PPP1CC: variants seen among roughly 807,000 people sequenced by gnomAD.
PPP1CC encodes protein phosphatase 1 catalytic subunit gamma.
In PPP1CC, 16 loss-of-function variants were observed where a neutral mutation model predicts 38.4. The observed-to-expected ratio is 0.42, with a 90% CI of 0.28 to 0.63. The LOEUF (loss-of-function observed/expected upper bound fraction) is 0.63, where lower values mean the gene tolerates loss of function less well. Ranked by LOEUF, PPP1CC falls within the 30% of genes least tolerant of loss-of-function variation. The pLI, the probability that PPP1CC is intolerant of heterozygous loss-of-function variation, is 0.25. For synonymous variants in PPP1CC, 158 were observed against 136.0 expected (o/e 1.16, Z -1.13); for missense variants, 170 against 391.3 (o/e 0.43, Z 4.77).
chr12:110,731,326 T>G (rs2069869822), intron 2 of PPP1CC, among the ~76,000 whole-genome samples: 1 of 152,094 alleles, frequency 6.6e-6, no homozygotes, highest in Non-Finnish European at 1.5e-5. Flanking sequence ...AAGAATATAT[T>G]ACTCAAACGA....
At chr12:110,711,973 T>C in the PPP1CC span, among the ~76,000 whole-genome samples, 1 of 152,144 alleles carries the variant, frequency 6.6e-6, no homozygotes, top group Admixed American at 6.6e-5. Context: ...TACAGTCACA[T>C]GCCACCTAAC....
Position 110,724,703 on chromosome 12 carries a change from C to T in PPP1CC, c.480G>A (p.Pro160=), listed in dbSNP as rs142935480. The change falls in exon 4 of 7, where the codon CCG becomes CCA. Residue 160 remains proline, a synonymous_variant. Transcript: ENST00000335007. ...KTFTDCFNCL[P]IAAIVDEKIF... is the part of the protein sequence containing the mutation. ...TCTTCTCATCCACGATGGCTGCTATCGGTAAACAGTTAAAACAGTCTGTGA... is the reference window on the plus strand; with the variant it reads ...TCTTCTCATCCACGATGGCTGCTATTGGTAAACAGTTAAAACAGTCTGTGA... 2.2e-5 allele frequency: 35 copies of T among 1,613,332 alleles called. No individual in the cohort carries two copies. The highest frequency in any genetic ancestry group is 1.3e-4 in the South Asian group (12 of 91,054).
intron 4 of PPP1CC, among the ~76,000 whole-genome samples, chr12:110,723,134 CA>C (rs1422623083): frequency 1.3e-5 from 2 of 152,190 alleles, no homozygotes; most frequent in Non-Finnish European, 2.9e-5. Context: ...TTAAAATCTA[CA>C]AGAGCTTATT....
intron 1 of PPP1CC, 102 bp downstream of exon 1, chr12:110,742,551 T>C: frequency 1.9e-6 from 2 of 1,048,588 alleles, no homozygotes; most frequent in Non-Finnish European, 2.6e-6. Context: ...CCCACGGTGC[T>C]GCAAGCCCAA....
intron 1 of PPP1CC, chr12:110,732,636 T>C (rs1232604363): frequency 6.6e-6 from 1 of 152,250 alleles, no homozygotes; most frequent in African/African-American, 2.4e-5. Context: ...CTCATGTCTA[T>C]ATAGGGCAAA....
intron 1 of PPP1CC, chr12:110,734,695 A>G (rs1241405530): frequency 6.5e-6 from 1 of 153,666 alleles, no homozygotes; most frequent in Non-Finnish European, 1.5e-5. Context: ...TAAAATTATA[A>G]AACAATAGGG....
chr12:110,720,325 T>C lies in PPP1CC; in HGVS notation c.*751A>G. ...ATTGCTATTCAAAATCAAAAACCTGTTTTTGAATCCCCAAGAAGGCAGCAT... is the reference window on the plus strand; with the variant it reads ...ATTGCTATTCAAAATCAAAAACCTGCTTTTGAATCCCCAAGAAGGCAGCAT... On this transcript the variant is annotated 3_prime_UTR_variant, in exon 7 of 7. Coordinates refer to ENST00000335007, the MANE Select transcript of PPP1CC (RefSeq NM_002710.4). 1.2e-6 allele frequency: 1 copy of C among 818,548 alleles called. No individual in the cohort carries two copies. Among genetic ancestry groups the C allele is most frequent in the Non-Finnish European group, 1.9e-6 (1 of 521,406 alleles). 50.7% of individuals were successfully genotyped at this position (818,548 alleles called of 1,614,324 possible). A position where few individuals can be genotyped will look rare whatever the true frequency, so the allele number is the denominator to read the frequency against.
At chr12:110,734,031 TTC>T (rs772021986) in intron 1 of PPP1CC, among the ~76,000 whole-genome samples, 21 of 152,164 alleles carry the variant, frequency 1.4e-4, no homozygotes, top group Non-Finnish European at 2.8e-4. Flanking sequence ...GGAGAAAAGC[TTC>T]TCTCATCCAT....
At position 110,724,767 on chromosome 12, in the gene PPP1CC, G is replaced by A. The variant is rs2069776739; in HGVS notation, c.419-3C>T. 6.5e-7 allele frequency: 1 copy of A among 1,527,592 alleles called. No individual in the cohort carries two copies. The highest frequency in any genetic ancestry group is 9.1e-7 in the Non-Finnish European group (1 of 1,101,962). 94.6% of individuals were successfully genotyped at this position (1,527,592 alleles called of 1,614,324 possible). On this transcript the variant is annotated splice_polypyrimidine_tract_variant and splice_region_variant and intron_variant, in intron 3 of 6. Coordinates refer to ENST00000335007, the MANE Select transcript of PPP1CC (RefSeq NM_002710.4). ...TTTAATGTTGTATCTTCTTTTACCT[G>A]TGATTAAAAAGAGAGTATTACATTA...
At chr12:110,717,780 ATCCTCAGCTTTG>A (rs1215388938), downstream of PPP1CC, among the ~76,000 whole-genome samples, 1 of 152,138 alleles carries the variant, frequency 6.6e-6, no homozygotes, top group Non-Finnish European at 1.5e-5. Context: ...TCTGATGCAG[ATCCTCAGCTTTG>A]TCCCTTCTAC....
chr12:110,742,703 G>A lies in PPP1CC; in HGVS notation c.5C>T (p.Ala2Val). ...GTCGATGTTGAGTTTATCTAAATCC[G>A]CCATCGCCTTCCCACCGCCGACCCT... M[A>V]DLDKLNIDSI... The change falls in exon 1 of 7, where the codon GCG becomes GTG. Residue 2 changes from alanine to valine, a missense_variant. Transcript: ENST00000335007. The A allele has an allele frequency of 2.1e-6, 3 of 1,447,604 alleles. No homozygotes were observed. The highest frequency in any genetic ancestry group is 2.8e-6 in the Non-Finnish European group (3 of 1,089,152). The allele number at this position is 1,447,604 out of a possible 1,614,324, so 89.7% of individuals were successfully genotyped here.
downstream of PPP1CC, among the ~76,000 whole-genome samples, chr12:110,716,370 TGAGATA>T (rs2069687728): frequency 6.6e-6 from 1 of 151,794 alleles, no homozygotes; most frequent in Non-Finnish European, 1.5e-5. Flanking sequence ...TTTTTTTTTT[TGAGATA>T]GAGTCTCGCT....
chr12:110,716,502 GCCA>G (rs1371317556), downstream of PPP1CC, among the ~76,000 whole-genome samples: 2 of 152,076 alleles, frequency 1.3e-5, no homozygotes, highest in East Asian at 3.9e-4. Flanking sequence ...ACAGGCATGT[GCCA>G]CCACACCTGG....
At chr12:110,718,721 GT>G (rs1422706613), downstream of PPP1CC, among the ~76,000 whole-genome samples, 1 of 152,166 alleles carries the variant, frequency 6.6e-6, no homozygotes, top group African/African-American at 2.4e-5. Context: ...TGCTATGGAC[GT>G]TTCATAGCTA....
intron 1 of PPP1CC, among the ~76,000 whole-genome samples, chr12:110,734,338 C>T (rs1794725816): frequency 6.6e-6 from 1 of 152,064 alleles, no homozygotes; most frequent in Non-Finnish European, 1.5e-5. Flanking sequence ...ACATATATTC[C>T]AGACTATATA....
At chr12:110,710,708 ACT>A in the PPP1CC span, among the ~76,000 whole-genome samples, 7 of 100,978 alleles carry the variant, frequency 6.9e-5, no homozygotes, top group African/African-American at 3.0e-4. Context: ...ACAGAATGAG[ACT>A]CTGTCTCAAA....
intron 3 of PPP1CC, 86 bp downstream of exon 3, chr12:110,730,442 AC>A: frequency 9.1e-7 from 1 of 1,093,624 alleles, no homozygotes; most frequent in African/African-American, 1.6e-5. Flanking sequence ...CTAAACTCTC[AC>A]AATTCCTAAC....
rs1342157402 is a variant in PPP1CC at position 110,720,779 on chromosome 12, C to G, written c.*297G>C. ...ACTGAATTAAAAAAGATCAATTGTA[C>G]ACTTACTCCTCAGACAGGATAAACT... On this transcript the variant is annotated 3_prime_UTR_variant, in exon 7 of 7. Coordinates refer to ENST00000335007, the MANE Select transcript of PPP1CC (RefSeq NM_002710.4). 1 of 262,002 alleles carries G rather than the reference C, an allele frequency of 3.8e-6. No homozygotes were observed. The highest frequency in any genetic ancestry group is 8.6e-5 in the East Asian group (1 of 11,582). 16.2% of individuals were successfully genotyped at this position (262,002 alleles called of 1,614,324 possible).
the PPP1CC span, among the ~76,000 whole-genome samples, chr12:110,709,932 AAATAATAATAATAATAATAAT>A: frequency 2.2e-3 from 317 of 142,058 alleles, 1 homozygote; most frequent in African/African-American, 7.9e-3. Context: ...AAAAACTCCA[AAATAATAATAATAATAATAAT>A]AATAATAATA....
Sources: gnomAD v4.1 joint callset for allele counts (sites outside exome capture counted in the v4.1 genomes callset) on GRCh38, gnomAD v4.1.1 for gene constraint, MANE v1.5 for transcripts, NCBI Gene and HGNC (gene_info 2026-07-23, HGNC 2026-07-21) for gene names.